Variants in ATG2B observed in about 807,000 individuals in gnomAD.
ATG2B encodes the protein autophagy related 2B, also known as autophagy-related protein 2 homolog B.
A neutral mutation model predicts 241.3 loss-of-function variants in ATG2B; 121 were observed. The observed-to-expected ratio is 0.50, with a 90% CI of 0.43 to 0.58. ATG2B has a LOEUF of 0.58. ATG2B is among the 20% of genes least tolerant of loss of function. The pLI, the probability that ATG2B is intolerant of heterozygous loss-of-function variation, is 0.00. For synonymous variants in ATG2B, 858 were observed against 876.6 expected, an observed-to-expected ratio of 0.98 and a Z score of 0.37; for missense variants, 2,306 against 2,491.6, an observed-to-expected ratio of 0.93 and a Z score of 1.59.
intron 41 of ATG2B, among the ~76,000 whole-genome samples, chr14:96,286,865 C>T (rs1375127281): frequency 2.0e-5 from 3 of 152,182 alleles, no homozygotes; most frequent in African/African-American, 4.8e-5. Context: ...GGACCTTGAA[C>T]TAACCCAGAA....
rs1886227054 is a variant in ATG2B at position 96,282,561 on chromosome 14, G to A, written c.*3194C>T. The A allele has an allele frequency of 6.6e-6, 1 of 152,254 alleles. No homozygotes were observed. Among genetic ancestry groups the A allele is most frequent in the African/African-American group, 2.4e-5 (1 of 41,470 alleles). 9.4% of individuals were successfully genotyped at this position (152,254 alleles called of 1,614,324 possible). A position where few individuals can be genotyped will look rare whatever the true frequency, so the allele number is the denominator to read the frequency against. ...CATTGAAAATCTGAGTTAATGTTAA[G>A]ACAATGATTAGTCAATCCTGAAACC... On this transcript the variant is annotated 3_prime_UTR_variant, in exon 42 of 42. Coordinates refer to ENST00000359933, the MANE Select transcript of ATG2B (RefSeq NM_018036.7).
At chr14:96,330,489 C>T (rs1033639698) in intron 11 of ATG2B, among the ~76,000 whole-genome samples, 6 of 152,082 alleles carry the variant, frequency 3.9e-5, no homozygotes, top group African/African-American at 9.7e-5. Context: ...AAAGGCTGGG[C>T]GTGGTGGCTC....
intron 6 of ATG2B, among the ~76,000 whole-genome samples, chr14:96,340,174 T>TGATATATATA: frequency 7.6e-6 from 1 of 131,640 alleles, no homozygotes; most frequent in Non-Finnish European, 1.6e-5. Context: ...ATGATATATA[T>TGATATATATA]TCACACACAC....
intron 14 of ATG2B, among the ~76,000 whole-genome samples, chr14:96,326,876 C>CA (rs767299085): frequency 1.3e-5 from 2 of 152,134 alleles, no homozygotes; most frequent in Non-Finnish European, 2.9e-5. Flanking sequence ...GGATTTTTAA[C>CA]AAATCTATTC....
intron 1 of ATG2B, among the ~76,000 whole-genome samples, chr14:96,352,101 T>TA (rs1259679255): frequency 6.6e-6 from 1 of 152,150 alleles, no homozygotes; most frequent in Non-Finnish European, 1.5e-5. Context: ...AGACCATGTA[T>TA]AGGATAGTGG....
At chr14:96,341,096 T>C (rs1888022694) in intron 6 of ATG2B, among the ~76,000 whole-genome samples, 3 of 152,134 alleles carry the variant, frequency 2.0e-5, no homozygotes, top group African/African-American at 2.4e-5. Flanking sequence ...TATTTTTACA[T>C]ACATATAATT....
intron 16 of ATG2B, 102 bp downstream of exon 16, chr14:96,323,794 T>C (rs1887518394): frequency 3.9e-6 from 3 of 777,186 alleles, no homozygotes; most frequent in Non-Finnish European, 6.4e-6. Flanking sequence ...GAATCAAGGA[T>C]GGACATGTTT....
At chr14:96,344,392 T>C (rs1888119285) in intron 4 of ATG2B, among the ~76,000 whole-genome samples, 1 of 152,238 alleles carries the variant, frequency 6.6e-6, no homozygotes, top group African/African-American at 2.4e-5. Context: ...ATGCTTATTA[T>C]TCTGATCTGA....
intron 1 of ATG2B, among the ~76,000 whole-genome samples, chr14:96,361,847 T>C (rs1011648300): frequency 2.6e-5 from 4 of 152,092 alleles, no homozygotes; most frequent in Non-Finnish European, 4.4e-5. Context: ...TATATACTGA[T>C]TTATAGTCTC....
intron 6 of ATG2B, among the ~76,000 whole-genome samples, chr14:96,338,575 C>T (rs1443777204): frequency 6.6e-6 from 1 of 152,060 alleles, no homozygotes; most frequent in African/African-American, 2.4e-5. Context: ...GCTGGGAAAA[C>T]TGGCAAGCCA....
Position 96,306,877 on chromosome 14 carries a change from C to T in ATG2B, c.4343G>A (p.Cys1448Tyr). Residue 1448 changes from cysteine to tyrosine, a missense_variant, in exon 30 of 42, where the codon TGT (cysteine) becomes TAT (tyrosine). Around this residue, in one of 2 missense-constraint regions of ATG2B, gnomAD observed 1,927 missense variants for 2,011.2 expected, o/e 0.96. Coordinates refer to ENST00000359933, the MANE Select transcript of ATG2B (RefSeq NM_018036.7). ...DEKSQIQEPC[C>Y]SDLFLFPDES... ...GTCAGGAAACAGGAAGAGGTCTGAA[C>T]AACATGGCTCCTGAATTTGAGATTT... 1.2e-6 allele frequency: 2 copies of T among 1,613,866 alleles called. No individual in the cohort carries two copies. The highest frequency in any genetic ancestry group is 1.7e-6 in the Non-Finnish European group (2 of 1,179,980).
Position 96,292,080 on chromosome 14 carries a change from T to C in ATG2B, c.5445A>G (p.Ser1815=), listed in dbSNP as rs1027419771. The C allele has an allele frequency of 2.5e-6, 4 of 1,592,876 alleles. No individual in the cohort carries two copies. Among genetic ancestry groups the C allele is most frequent in the African/African-American group, 2.7e-5 (2 of 74,260 alleles). ...PVFFREFRFT[S]EVPIRLDYHG... is the part of the protein sequence containing the mutation. Reference sequence around the variant, plus strand: ...GATAATCAAGTCGAATGGGAACTTCTGACGTGAATCTAAATTCTCTGAAGA... The same window carrying C: ...GATAATCAAGTCGAATGGGAACTTCCGACGTGAATCTAAATTCTCTGAAGA... Residue 1815 remains serine (S), a synonymous_variant, in exon 37 of 42, where the codon TCA becomes TCG. Coordinates refer to ENST00000359933, the MANE Select transcript of ATG2B (RefSeq NM_018036.7).
chr14:96,333,010 C>G (rs1226005260), intron 8 of ATG2B, among the ~76,000 whole-genome samples: 4 of 152,078 alleles, frequency 2.6e-5, no homozygotes, highest in Non-Finnish European at 5.9e-5. Flanking sequence ...CTAGTTTCAT[C>G]TGGATACAGT....
At chr14:96,356,283 A>C (rs1291207433) in intron 1 of ATG2B, among the ~76,000 whole-genome samples, 2 of 152,164 alleles carry the variant, frequency 1.3e-5, no homozygotes, top group South Asian at 4.1e-4. Flanking sequence ...CCTGCATTAA[A>C]TCTTCATAAT....
chr14:96,342,700 C>T lies in ATG2B; in HGVS notation c.744+419G>A, dbSNP rs573651066. 9.3e-3 allele frequency among the ~76,000 whole-genome samples: 1,275 copies of T among 136,580 alleles called. 19 individuals carry two copies. The highest frequency in any genetic ancestry group is 0.035 in the African/African-American group (1,217 of 34,772). The allele number at this position is 136,580 out of a possible 152,430, so 89.6% of individuals were successfully genotyped here. A position where few individuals can be genotyped will look rare whatever the true frequency, so the allele number is the denominator to read the frequency against. On this transcript the variant is annotated intron_variant, in intron 5 of 41. Coordinates refer to ENST00000359933, the MANE Select transcript of ATG2B (RefSeq NM_018036.7). ...TTGCGCCACTGCACACCAGCCTGGG[C>T]GACAAGAGACTCTCTCCAAAAAAAA...
intron 29 of ATG2B, among the ~76,000 whole-genome samples, chr14:96,308,261 T>TATATATATATAC (rs1887037878): frequency 7.8e-5 from 2 of 25,600 alleles, no homozygotes; most frequent in Non-Finnish European, 1.8e-4. Context: ...TACACACATA[T>TATATATATATAC]ATATATATAT....
At position 96,284,864 on chromosome 14, in the gene ATG2B, T is replaced by C. The variant is rs1415392217; in HGVS notation, c.*891A>G. 6.6e-6 allele frequency: 1 copy of C among 152,234 alleles called. No homozygotes were observed. The highest frequency in any genetic ancestry group is 1.5e-5 in the Non-Finnish European group (1 of 68,042). 9.4% of individuals were successfully genotyped at this position (152,234 alleles called of 1,614,324 possible). A position where few individuals can be genotyped will look rare whatever the true frequency, so the allele number is the denominator to read the frequency against. ...TAGGGCATATTTGAAGAATTTTGTT[T>C]ACTTTTAAAAGAGGAAAAATCACTT... On this transcript the variant is annotated 3_prime_UTR_variant, in exon 42 of 42. Transcript: ENST00000359933.
At chr14:96,312,186 T>C (rs1446146227) in intron 25 of ATG2B, 27 bp from the exon 26 acceptor site, 2 of 1,549,448 alleles carry the variant, frequency 1.3e-6, no homozygotes, top group Non-Finnish European at 1.8e-6. Flanking sequence ...AAAACCAACA[T>C]CTGAAAAACT....
chr14:96,306,759 C>T lies in ATG2B; in HGVS notation c.4461G>A (p.Glu1487=), dbSNP rs770411298. Reference sequence around the variant, plus strand: ...CAAAAAGAATGCAAAAGTCATCATTCTCAGTGGGCACACCTGTCATTGCAT... The same window carrying T: ...CAAAAAGAATGCAAAAGTCATCATTTTCAGTGGGCACACCTGTCATTGCAT... ...ISDAMTGVPT[E]NDDFCILFAP... Residue 1487 remains glutamate, a synonymous_variant, in exon 30 of 42, where the codon GAG becomes GAA. Transcript: ENST00000359933. 1 of 1,614,036 alleles carries T rather than the reference C, an allele frequency of 6.2e-7. No individual in the cohort carries two copies. The highest frequency in any genetic ancestry group is 1.1e-5 in the South Asian group (1 of 91,050).
Sources: gnomAD v4.1 joint callset for allele counts (sites outside exome capture counted in the v4.1 genomes callset) on GRCh38, gnomAD v4.1.1 for gene constraint, gnomAD v4.1.1 regional missense constraint, MANE v1.5 for transcripts, NCBI Gene and HGNC (gene_info 2026-07-23, HGNC 2026-07-21) for gene names.